Variants in SPATS2L observed in about 807,000 individuals in gnomAD.
SPATS2L encodes spermatogenesis associated serine rich 2 like, also known as SPATS2-like protein.
Under a neutral mutation model 59.6 loss-of-function variants are expected in SPATS2L, and 30 were observed. The ratio of observed to expected loss-of-function variants is 0.50; its 90% CI spans 0.38 to 0.68. SPATS2L has a LOEUF of 0.68. SPATS2L is among the 30% of genes least tolerant of loss of function. The pLI is 0.00. For synonymous variants in SPATS2L, 252 were observed against 263.5 expected, an observed-to-expected ratio of 0.96 and a Z score of 0.42; for missense variants, 615 against 700.0, an observed-to-expected ratio of 0.88 and a Z score of 1.37.
chr2:200,319,183 G>A (rs1474813045), intron 1 of SPATS2L, among the ~76,000 whole-genome samples: 1 of 152,030 alleles, frequency 6.6e-6, no homozygotes, highest in East Asian at 1.9e-4. Context: ...CTCCTTTCAG[G>A]GTTATGCAGT....
chr2:200,466,423 T>C (rs1300542510), intron 9 of SPATS2L, among the ~76,000 whole-genome samples: 2 of 152,260 alleles, frequency 1.3e-5, no homozygotes, highest in African/African-American at 4.8e-5. Context: ...TCATCCTGTG[T>C]GTCTGTATTG....
At chr2:200,387,217 C>T (rs1467293992) in intron 2 of SPATS2L, among the ~76,000 whole-genome samples, 2 of 152,150 alleles carry the variant, frequency 1.3e-5, no homozygotes, top group Admixed American at 6.5e-5. Flanking sequence ...GGGGCCTTAG[C>T]CTTACTTTCA....
In SPATS2L at chr2:200,432,635, T is replaced by C. The variant is rs143567710; in HGVS notation, c.446-6487T>C. Among the ~76,000 whole-genome samples the C allele has an allele frequency of 1.7e-4, 26 of 152,218 alleles. 1 individual carries two copies. The East Asian group carries it at 3.5e-3, about 20-fold the overall frequency. ...CTAGACATGGGAAGGAGCAGGAAAA[T>C]GTGACCTATAATGAAGAGAAAGATT... On this transcript the variant is annotated intron_variant, in intron 6 of 12. Coordinates refer to ENST00000409140, the MANE Select transcript of SPATS2L (RefSeq NM_001100423.2).
chr2:200,372,509 T>C (rs1355154162), intron 2 of SPATS2L, among the ~76,000 whole-genome samples: 2 of 152,138 alleles, frequency 1.3e-5, no homozygotes, highest in Non-Finnish European at 2.9e-5. Flanking sequence ...TTTAACGCAC[T>C]GAGAAAATGT....
chr2:200,364,368 T>A (rs2081200666), intron 2 of SPATS2L, among the ~76,000 whole-genome samples: 1 of 152,138 alleles, frequency 6.6e-6, no homozygotes, highest in Non-Finnish European at 1.5e-5. Flanking sequence ...AATAAAATGA[T>A]TTGTGAGAAG....
chr2:200,457,711 C>T (rs1390802748), intron 8 of SPATS2L, among the ~76,000 whole-genome samples: 1 of 152,206 alleles, frequency 6.6e-6, no homozygotes, highest in African/African-American at 2.4e-5. Flanking sequence ...TGCAATTAGT[C>T]CTTTCCACTA....
upstream of SPATS2L, chr2:200,306,005 GC>G (rs898324838): frequency 1.2e-5 from 12 of 984,340 alleles, no homozygotes; most frequent in African/African-American, 1.9e-4. Context: ...CACGGCTGAA[GC>G]CCACGATGCC....
chr2:200,479,798 C>A lies in SPATS2L; in HGVS notation c.*1767C>A, dbSNP rs1447022462. The stretch of plus-strand genomic sequence containing the variant: ...TGAGCAGCTGAGCCTGCAAGCCACG[C>A]AAGCATCTGTTTCTTCTTTTGCCAA... On this transcript the variant is annotated 3_prime_UTR_variant, in exon 13 of 13. Coordinates refer to ENST00000409140, the MANE Select transcript of SPATS2L (RefSeq NM_001100423.2). 7 of 398,534 alleles carry A rather than the reference C, an allele frequency of 1.8e-5. No homozygotes were observed. Among genetic ancestry groups the A allele is most frequent in the Admixed American group, 4.4e-5 (1 of 22,716 alleles). The allele number at this position is 398,534 out of a possible 1,614,324, so 24.7% of individuals were successfully genotyped here.
At chr2:200,436,865 G>A (rs2084331413) in intron 6 of SPATS2L, among the ~76,000 whole-genome samples, 1 of 152,138 alleles carries the variant, frequency 6.6e-6, no homozygotes, top group Admixed American at 6.5e-5. Context: ...AAGGCCCAGT[G>A]GGAGGTGATT....
At chr2:200,407,375 G>T (rs1423752840) in intron 3 of SPATS2L, among the ~76,000 whole-genome samples, 1 of 152,168 alleles carries the variant, frequency 6.6e-6, no homozygotes, top group South Asian at 2.1e-4. Flanking sequence ...CCCTTACTCA[G>T]CAAAGTTAAT....
intron 2 of SPATS2L, among the ~76,000 whole-genome samples, chr2:200,349,378 G>C (rs1406689471): frequency 6.6e-6 from 1 of 152,202 alleles, no homozygotes; most frequent in Admixed American, 6.5e-5. Context: ...GCTCACACCT[G>C]CAATCCCAGC....
intron 1 of SPATS2L, among the ~76,000 whole-genome samples, chr2:200,327,731 A>G (rs2079801802): frequency 6.6e-6 from 1 of 152,218 alleles, no homozygotes. Flanking sequence ...TATTACACTC[A>G]CTAAATTATT....
rs1239155772 is a variant in SPATS2L at position 200,395,470 on chromosome 2, GT to G, written c.39+6188del. On this transcript the variant is annotated intron_variant, in intron 3 of 12. Transcript: ENST00000409140. The stretch of plus-strand genomic sequence containing the variant: ...CCAACAAGGTAAGGCTGTGGAAAGA[GT>G]GTGGAGTTTGGAGACAGAAGTCAGA... Among the ~76,000 whole-genome samples, 3 of 152,336 alleles carry G rather than the reference GT, an allele frequency of 2.0e-5. No individual in the cohort carries two copies. In the East Asian group the frequency reaches 5.8e-4, roughly 29 times the overall value.
At chr2:200,455,344 G>A (rs943813509) in intron 8 of SPATS2L, among the ~76,000 whole-genome samples, 1 of 152,240 alleles carries the variant, frequency 6.6e-6, no homozygotes, top group Admixed American at 6.5e-5. Flanking sequence ...GAGCTGATTA[G>A]ATGAAGAGAA....
chr2:200,433,846 C>T (rs1271984936), intron 6 of SPATS2L, among the ~76,000 whole-genome samples: 1 of 152,022 alleles, frequency 6.6e-6, no homozygotes, highest in Non-Finnish European at 1.5e-5. Flanking sequence ...CAGATGACTT[C>T]CTTAGTGAAT....
upstream of SPATS2L, chr2:200,306,593 G>A: frequency 1.0e-6 from 1 of 999,508 alleles, no homozygotes; most frequent in South Asian, 4.7e-5. Flanking sequence ...GCTGGGGTGT[G>A]TGCTCCTGGT....
In SPATS2L at chr2:200,308,624, T is replaced by TACAC. The variant is rs35193445; in HGVS notation, c.-73+1718_-73+1721dup. ...AATTCTGTATCTGTGTGGCTTTAAATACACACACACACACACACAGACACA... is the reference window on the plus strand; with the variant it reads ...AATTCTGTATCTGTGTGGCTTTAAATACACACACACACACACACACACAGACACA... On this transcript the variant is annotated intron_variant, in intron 1 of 12. Coordinates refer to ENST00000409140, the MANE Select transcript of SPATS2L (RefSeq NM_001100423.2). Among the ~76,000 whole-genome samples the TACAC allele has an allele frequency of 3.0e-3, 453 of 149,492 alleles. 1 individual carries two copies. The highest frequency in any genetic ancestry group is 0.01 in the African/African-American group (422 of 40,842).
At chr2:200,451,205 C>A (rs1559143973) in intron 8 of SPATS2L, among the ~76,000 whole-genome samples, 1 of 118,986 alleles carries the variant, frequency 8.4e-6, no homozygotes. Context: ...TCTCCAGTCC[C>A]AGCTACTCTG....
At chr2:200,321,362 GATA>G (rs938291705) in intron 1 of SPATS2L, among the ~76,000 whole-genome samples, 36 of 152,034 alleles carry the variant, frequency 2.4e-4, no homozygotes, top group African/African-American at 8.5e-4. Context: ...ATAAAATGAG[GATA>G]ATAATACTAT....
Sources: allele counts gnomAD v4.1 joint callset (sites outside exome capture counted in the v4.1 genomes callset), GRCh38; gene constraint gnomAD v4.1.1; transcripts MANE v1.5; gene names NCBI Gene and HGNC (gene_info 2026-07-23, HGNC 2026-07-21).